SNTG1: variants seen among roughly 807,000 people sequenced by gnomAD.
SNTG1 encodes gamma-1-syntrophin.
In SNTG1, 39 loss-of-function variants were observed where a neutral mutation model predicts 74.7. That is an observed-to-expected ratio of 0.52 (90% CI 0.40 to 0.68). The LOEUF (loss-of-function observed/expected upper bound fraction) is 0.68. SNTG1 is among the 30% of genes least tolerant of loss of function. SNTG1 has a pLI of 0.00. For missense variants in SNTG1, 685 were observed against 609.5 expected (o/e 1.12, Z -1.30); for synonymous variants, 254 against 217.1 (o/e 1.17, Z -1.49).
Position 49,956,782 on chromosome 8 carries a change from GA to G in SNTG1, c.-103+44559del, listed in dbSNP as rs201756546. Among the ~76,000 whole-genome samples, 826 of 151,272 alleles carry G rather than the reference GA, an allele frequency of 5.5e-3. 11 individuals are homozygous for G. The highest frequency in any genetic ancestry group is 0.019 in the African/African-American group (776 of 41,288). ...ATATAAATAAAAGTAGGAAAACAAA[GA>G]AAAAAAATGGGACTTTAAGAACCAT... On this transcript the variant is annotated intron_variant, in intron 1 of 18. Transcript: ENST00000642720.
chr8:50,161,678 T>C (rs371888039), intron 1 of SNTG1, among the ~76,000 whole-genome samples: 6 of 151,670 alleles, frequency 4.0e-5, no homozygotes, highest in Admixed American at 2.6e-4. Context: ...GGCCCTTGAG[T>C]GCATGAGGTA....
intron 2 of SNTG1, among the ~76,000 whole-genome samples, chr8:50,326,571 GTCT>G (rs2090757993): frequency 6.7e-6 from 1 of 150,336 alleles, no homozygotes; most frequent in African/African-American, 2.5e-5. Flanking sequence ...AGTAATTTGT[GTCT>G]TGTCTCTTTT....
At chr8:50,075,499 C>T (rs995025006) in intron 1 of SNTG1, among the ~76,000 whole-genome samples, 1 of 152,178 alleles carries the variant, frequency 6.6e-6, no homozygotes, top group African/African-American at 2.4e-5. Flanking sequence ...ACGCATTAAT[C>T]AGCACCCCGT....
intron 1 of SNTG1, among the ~76,000 whole-genome samples, chr8:50,044,418 A>G (rs959520243): frequency 2.0e-5 from 3 of 152,170 alleles, no homozygotes; most frequent in Admixed American, 1.3e-4. Context: ...ATTAAACCGG[A>G]TTTCAAAAGC....
At chr8:49,972,445 T>C (rs1346718816) in intron 1 of SNTG1, among the ~76,000 whole-genome samples, 3 of 152,136 alleles carry the variant, frequency 2.0e-5, no homozygotes, top group Non-Finnish European at 4.4e-5. Flanking sequence ...CCATTCAGGA[T>C]ATAGGCATGG....
In SNTG1 at chr8:50,479,307, T is replaced by C. The variant is rs1188838011; in HGVS notation, c.364-23471T>C. Reference sequence around the variant, plus strand: ...TAATAGAACTTGGGCATTGAGGGACTCTTGTAATTATCCAGCTTTCTGCCA... The same window carrying C: ...TAATAGAACTTGGGCATTGAGGGACCCTTGTAATTATCCAGCTTTCTGCCA... On this transcript the variant is annotated intron_variant, in intron 8 of 18. Transcript: ENST00000642720. Among the ~76,000 whole-genome samples the C allele has an allele frequency of 2.6e-5, 4 of 152,176 alleles. No homozygotes were observed. The South Asian group carries it at 6.2e-4, about 24-fold the overall frequency.
In SNTG1 at chr8:50,293,557, G is replaced by A. The variant is rs537104407; in HGVS notation, c.-27-100655G>A. ...CCCGAGTGGCTGGGATTACAGGCAT[G>A]CACCAAAACGCCCAGCTAATTTTTG... On this transcript the variant is annotated intron_variant, in intron 2 of 18. Transcript: ENST00000642720. Among the ~76,000 whole-genome samples, 477 of 151,968 alleles carry A rather than the reference G, an allele frequency of 3.1e-3. 4 individuals carry two copies. Among genetic ancestry groups the A allele is most frequent in the African/African-American group, 0.011 (461 of 41,454 alleles).
chr8:50,373,298 A>G (rs2092309556), intron 2 of SNTG1, among the ~76,000 whole-genome samples: 1 of 152,248 alleles, frequency 6.6e-6, no homozygotes, highest in South Asian at 2.1e-4. Flanking sequence ...CGAAATACAG[A>G]AGTTAATTTA....
chr8:50,253,852 TA>T (rs558699850), intron 2 of SNTG1, among the ~76,000 whole-genome samples: 2,112 of 139,022 alleles, frequency 0.015, 31 homozygotes, highest in African/African-American at 0.042. Context: ...ATGTAGAATC[TA>T]AAAAAAAAAA....
chr8:50,537,201 T>C (rs550289339), intron 11 of SNTG1, among the ~76,000 whole-genome samples: 1 of 152,208 alleles, frequency 6.6e-6, no homozygotes, highest in African/African-American at 2.4e-5. Context: ...CTTAGCTCAC[T>C]GCAACCTCCA....
intron 2 of SNTG1, among the ~76,000 whole-genome samples, chr8:50,215,667 A>G (rs1282510504): frequency 1.3e-5 from 2 of 151,878 alleles, no homozygotes; most frequent in African/African-American, 4.8e-5. Flanking sequence ...AAACTGTTGA[A>G]CTCTAGGTAC....
chr8:50,002,438 T>C (rs1814828345), intron 1 of SNTG1, among the ~76,000 whole-genome samples: 1 of 152,174 alleles, frequency 6.6e-6, no homozygotes, highest in South Asian at 2.1e-4. Flanking sequence ...AGTTGGTTTA[T>C]ATATTTTCAG....
intron 2 of SNTG1, among the ~76,000 whole-genome samples, chr8:50,380,369 G>T (rs2092460278): frequency 6.6e-6 from 1 of 152,144 alleles, no homozygotes; most frequent in Non-Finnish European, 1.5e-5. Context: ...GGTACACACT[G>T]GGTTTCAGTT....
At chr8:50,193,620 T>G (rs921233762) in intron 2 of SNTG1, among the ~76,000 whole-genome samples, 1 of 152,100 alleles carries the variant, frequency 6.6e-6, no homozygotes, top group African/African-American at 2.4e-5. Flanking sequence ...CAGCAAACAG[T>G]GACAGTTTGA....
chr8:50,337,825 G>T (rs959608360), intron 2 of SNTG1, among the ~76,000 whole-genome samples: 21 of 152,156 alleles, frequency 1.4e-4, no homozygotes, highest in African/African-American at 5.1e-4. Flanking sequence ...AATTTATGAG[G>T]ATATAACTTT....
At chr8:50,113,163 G>A (rs555879806) in intron 1 of SNTG1, among the ~76,000 whole-genome samples, 52 of 152,190 alleles carry the variant, frequency 3.4e-4, no homozygotes, top group African/African-American at 1.1e-3. Context: ...TGATGGGGAT[G>A]GCATTGAATC....
At chr8:50,687,794 T>C (rs1250722500) in intron 15 of SNTG1, among the ~76,000 whole-genome samples, 2 of 152,146 alleles carry the variant, frequency 1.3e-5, no homozygotes, top group Non-Finnish European at 1.5e-5. Context: ...ATTGTTCAAT[T>C]CCCACCCGGG....
In SNTG1 at chr8:50,242,308, C is replaced by T. The variant is rs140076492; in HGVS notation, c.-28+69673C>T. Among the ~76,000 whole-genome samples, 99 of 151,874 alleles carry T rather than the reference C, an allele frequency of 6.5e-4. 2 individuals are homozygous for T. The East Asian group carries it at 0.019, about 29-fold the overall frequency. ...CTTTGGGAGGCAGAGGTGAGTGAAT[C>T]GCTTGAAGTCAGGAGTTCAAGATCA... On this transcript the variant is annotated intron_variant, in intron 2 of 18. Transcript: ENST00000642720.
intron 1 of SNTG1, among the ~76,000 whole-genome samples, chr8:49,939,013 T>C (rs1231517051): frequency 6.6e-6 from 1 of 152,146 alleles, no homozygotes; most frequent in African/African-American, 2.4e-5. Flanking sequence ...TCAGATACTA[T>C]GCATAGTAGT....
Sources: allele counts gnomAD v4.1 joint callset (sites outside exome capture counted in the v4.1 genomes callset), GRCh38; gene constraint gnomAD v4.1.1; transcripts MANE v1.5; gene names NCBI Gene and HGNC (gene_info 2026-07-23, HGNC 2026-07-21).